Variants in TAF2 observed in about 807,000 individuals in gnomAD.
TAF2 encodes transcription initiation factor TFIID subunit 2.
Under a neutral mutation model 138.5 loss-of-function variants are expected in TAF2, and 61 were observed. That is an observed-to-expected ratio of 0.44 (90% confidence interval 0.36 to 0.54). TAF2 has a LOEUF of 0.54. Among genes scored for constraint, TAF2 ranks in the 20% least tolerant of loss-of-function variants. TAF2 has a pLI of 0.00. For missense variants in TAF2, 1,090 were observed against 1,427.9 expected (o/e 0.76, Z 3.81); for synonymous variants, 475 against 469.9 (o/e 1.01, Z -0.14).
Position 119,788,875 on chromosome 8 carries a change from C to T in TAF2, c.1598G>A (p.Gly533Glu), listed in dbSNP as rs1428961010. The change falls in exon 13 of 26, where the codon GGA becomes GAA. Residue 533 changes from glycine (G) to glutamate (E), a missense_variant. Physicochemically the swap from Gly to Glu is moderately conservative, Grantham distance 98. Around this residue, in one of 3 missense-constraint regions of TAF2, gnomAD observed 504 missense variants for 680.9 expected, o/e 0.74. Transcript: ENST00000378164. ...VDQSGVVKFY[G>E]SFAFNRKRNV... ...TCGTTTTCTATTAAATGCAAAACTT[C>T]CATAAAATTTTACCACTCCACTCTG... is the stretch of plus-strand genomic sequence containing the variant. The T allele has an allele frequency of 1.2e-6, 2 of 1,613,336 alleles. No homozygotes were observed. The highest frequency in any genetic ancestry group is 2.2e-5 in the South Asian group (2 of 91,068).
At chr8:119,801,733 CTA>C (rs1441893854) in intron 6 of TAF2, 59 bp downstream of exon 6, 18 of 1,534,380 alleles carry the variant, frequency 1.2e-5, no homozygotes, top group Non-Finnish European at 1.5e-5. Context: ...TTGCCAATAT[CTA>C]TCTTTTTAAA....
At chr8:119,764,428 A>T (rs942032673) in intron 18 of TAF2, among the ~76,000 whole-genome samples, 1 of 152,228 alleles carries the variant, frequency 6.6e-6, no homozygotes, top group African/African-American at 2.4e-5. Context: ...GTTCCACAAC[A>T]ATAATGAAGT....
At chr8:119,751,106 A>AT (rs1054361065) in intron 22 of TAF2, among the ~76,000 whole-genome samples, 2 of 152,166 alleles carry the variant, frequency 1.3e-5, no homozygotes, top group African/African-American at 4.8e-5. Flanking sequence ...TTAGGTTTTA[A>AT]TTTTTTTAAT....
At chr8:119,804,913 A>G (rs1413511027) in intron 4 of TAF2, among the ~76,000 whole-genome samples, 1 of 152,118 alleles carries the variant, frequency 6.6e-6, no homozygotes, top group East Asian at 1.9e-4. Context: ...TGTTGCTTTC[A>G]TAAGATTTTA....
At chr8:119,770,766 A>G (rs1330168362) in intron 18 of TAF2, among the ~76,000 whole-genome samples, 2 of 152,190 alleles carry the variant, frequency 1.3e-5, no homozygotes, top group African/African-American at 4.8e-5. Flanking sequence ...AAATGGCATA[A>G]ATGCTCCACT....
At chr8:119,787,449 CAAA>C (rs1360247808) in intron 14 of TAF2, among the ~76,000 whole-genome samples, 2 of 151,996 alleles carry the variant, frequency 1.3e-5, no homozygotes, top group Non-Finnish European at 2.9e-5. Context: ...AGACACTTCT[CAAA>C]AGAAGACATT....
intron 22 of TAF2, among the ~76,000 whole-genome samples, chr8:119,752,306 G>A (rs189053860): frequency 6.6e-6 from 1 of 152,228 alleles, no homozygotes; most frequent in African/African-American, 2.4e-5. Context: ...ATATAGGTCA[G>A]TGTGTGTATA....
chr8:119,752,967 C>A (rs547347049), intron 22 of TAF2, among the ~76,000 whole-genome samples: 4 of 152,110 alleles, frequency 2.6e-5, no homozygotes, highest in South Asian at 2.1e-4. Flanking sequence ...AGGGTTCCAG[C>A]GGATTTGGGG....
At chr8:119,736,788 A>T (rs1305426765) in intron 25 of TAF2, among the ~76,000 whole-genome samples, 1 of 152,234 alleles carries the variant, frequency 6.6e-6, no homozygotes, top group Non-Finnish European at 1.5e-5. Context: ...GTATGCTTCC[A>T]GACTAAAGAA....
intron 25 of TAF2, among the ~76,000 whole-genome samples, chr8:119,736,044 T>G (rs1284040684): frequency 6.6e-6 from 1 of 152,216 alleles, no homozygotes; most frequent in Non-Finnish European, 1.5e-5. Flanking sequence ...CCTTTAATCC[T>G]AAACACCTAC....
intron 6 of TAF2, among the ~76,000 whole-genome samples, chr8:119,800,721 A>G (rs1052158082): frequency 6.6e-6 from 1 of 152,236 alleles, no homozygotes; most frequent in Non-Finnish European, 1.5e-5. Flanking sequence ...GTGATTTTAC[A>G]AATCCTGTGA....
chr8:119,758,129 A>G lies in TAF2; in HGVS notation c.2712T>C (p.Tyr904=). Reference sequence around the variant, plus strand: ...TATTAAGTAGCCATTGCAGTTCTTCATAACTTCTGTCCACTGAAAATAAAA... The same window carrying G: ...TATTAAGTAGCCATTGCAGTTCTTCGTAACTTCTGTCCACTGAAAATAAAA... The part of the protein sequence containing the change: ...VVDYTKVDRS[Y]EELQWLLNMI... The change falls in exon 21 of 26, where the codon TAT becomes TAC. Residue 904 remains tyrosine, a synonymous_variant. Coordinates refer to ENST00000378164, the MANE Select transcript of TAF2 (RefSeq NM_003184.4). 3.1e-6 allele frequency: 5 copies of G among 1,612,600 alleles called. No homozygotes were observed. The highest frequency in any genetic ancestry group is 1.1e-5 in the South Asian group (1 of 91,020).
At chr8:119,803,735 T>A in intron 5 of TAF2, 143 bp downstream of exon 5, 2 of 864,072 alleles carry the variant, frequency 2.3e-6, no homozygotes, top group East Asian at 2.7e-5. Flanking sequence ...GAGGAATGAC[T>A]AACAGAAAGT....
At chr8:119,820,113 T>C (rs1825728260) in intron 2 of TAF2, among the ~76,000 whole-genome samples, 2 of 152,204 alleles carry the variant, frequency 1.3e-5, no homozygotes, top group South Asian at 4.1e-4. Context: ...GTTAGCTGTA[T>C]GGTAGCAATG....
intron 2 of TAF2, among the ~76,000 whole-genome samples, chr8:119,825,705 G>C (rs1826051358): frequency 6.6e-6 from 1 of 152,084 alleles, no homozygotes; most frequent in Non-Finnish European, 1.5e-5. Context: ...GTTTTTATGA[G>C]ATGGAATCTC....
intron 2 of TAF2, among the ~76,000 whole-genome samples, chr8:119,827,151 G>C (rs1381790949): frequency 1.3e-5 from 2 of 152,028 alleles, no homozygotes. Context: ...CTGTGATTGC[G>C]CCACTGCACT....
chr8:119,778,160 C>A (rs754476767), intron 17 of TAF2, 31 bp from the exon 18 acceptor site: 4 of 1,371,148 alleles, frequency 2.9e-6, no homozygotes, highest in Admixed American at 3.6e-5. Flanking sequence ...CTTTTAAAAG[C>A]ACAGAACCTA....
chr8:119,815,012 CAGGCATGATCTCGAACTCATGATTACA>C (rs1430988475), intron 3 of TAF2, among the ~76,000 whole-genome samples: 10 of 151,656 alleles, frequency 6.6e-5, no homozygotes, highest in Non-Finnish European at 1.0e-4. Flanking sequence ...GAGGCCGAGG[CAGGCATGATCTCGAACTCATGATTACA>C]AGGCATGATC....
At chr8:119,790,243 C>A (rs975425073) in intron 11 of TAF2, among the ~76,000 whole-genome samples, 3 of 152,086 alleles carry the variant, frequency 2.0e-5, no homozygotes, top group African/African-American at 7.2e-5. Context: ...TGAGATCAGA[C>A]TGGGCAACAT....
Sources: allele counts gnomAD v4.1 joint callset (sites outside exome capture counted in the v4.1 genomes callset), GRCh38; gene constraint gnomAD v4.1.1; regional missense constraint gnomAD v4.1.1; transcripts MANE v1.5; gene names NCBI Gene and HGNC (gene_info 2026-07-23, HGNC 2026-07-21).